The following PTPN2 variants were observed in gnomAD, a reference collection of about 807,000 sequenced individuals.
PTPN2 encodes the protein tyrosine-protein phosphatase non-receptor type 2.
A neutral mutation model predicts 57.3 loss-of-function variants in PTPN2; 19 were observed. That is an observed-to-expected ratio of 0.33 (90% CI 0.23 to 0.49). The LOEUF (loss-of-function observed/expected upper bound fraction) is 0.49. Ranked by LOEUF, PTPN2 falls within the 20% of genes least tolerant of loss-of-function variation. The pLI, the probability that PTPN2 is intolerant of heterozygous loss-of-function variation, is 0.99. For missense variants in PTPN2, 358 were observed against 501.1 expected, an observed-to-expected ratio of 0.71 and a Z score of 2.73; for synonymous variants, 153 against 164.9, an observed-to-expected ratio of 0.93 and a Z score of 0.55.
chr18:12,836,658 T>C (rs1265566474), intron 3 of PTPN2, 133 bp downstream of exon 3: 6 of 605,872 alleles, frequency 9.9e-6, no homozygotes, highest in Non-Finnish European at 1.4e-5. Flanking sequence ...CATAATTCAT[T>C]ACATCGTCAG....
At chr18:12,835,382 C>CTTTCTTTTTTTTTTTTT (rs2042821259) in intron 3 of PTPN2, among the ~76,000 whole-genome samples, 2 of 99,018 alleles carry the variant, frequency 2.0e-5, no homozygotes, top group African/African-American at 8.4e-5. Flanking sequence ...TCACATATGT[C>CTTTCTTTTTTTTTTTTT]TTTTTTTTTT....
chr18:12,792,792 C>T lies in PTPN2; in HGVS notation c.*1486G>A, dbSNP rs200280833. On this transcript the variant is annotated 3_prime_UTR_variant, in exon 9 of 9. Coordinates refer to ENST00000309660, the MANE Select transcript of PTPN2 (RefSeq NM_002828.4). ...TTTTAGTAGAGATGGTGTTTCACCA[C>T]GTTGGCCAGGCTGGTCTTGAACTCC... The T allele has an allele frequency of 1.2e-5, 6 of 487,132 alleles. No individual in the cohort carries two copies. The highest frequency in any genetic ancestry group is 1.5e-4 in the East Asian group (1 of 6,554). The allele number at this position is 487,132 out of a possible 1,614,324, so 30.2% of individuals were successfully genotyped here.
intron 1 of PTPN2, chr18:12,868,885 C>G (rs2044089026): frequency 6.6e-6 from 1 of 151,884 alleles, no homozygotes; most frequent in Non-Finnish European, 1.5e-5. Flanking sequence ...TGCGGTGGCT[C>G]ACGCCTGTAA....
downstream of PTPN2, among the ~76,000 whole-genome samples, chr18:12,788,439 T>TTTTTTC (rs1446211817): frequency 4.4e-4 from 63 of 142,900 alleles, no homozygotes; most frequent in African/African-American, 1.7e-3. Context: ...GGGCTTTTTT[T>TTTTTTC]TTTTTTTTTT....
At chr18:12,864,441 G>A (rs2043924250) in intron 1 of PTPN2, among the ~76,000 whole-genome samples, 1 of 151,674 alleles carries the variant, frequency 6.6e-6, no homozygotes. Flanking sequence ...CTGTTGCCAG[G>A]CTAGGGTGCA....
Position 12,793,343 on chromosome 18 carries a change from CAT to C in PTPN2, c.*933_*934del. The C allele has an allele frequency of 1.0e-6, 1 of 976,264 alleles. No individual in the cohort carries two copies. The highest frequency in any genetic ancestry group is 1.2e-6 in the Non-Finnish European group (1 of 821,118). The allele number at this position is 976,264 out of a possible 1,614,324, so 60.5% of individuals were successfully genotyped here. A position where few individuals can be genotyped will look rare whatever the true frequency, so the allele number is the denominator to read the frequency against. ...AGTCTAGTAAACTGAAATTATGAATCATAAAATGCTGCTTCTTACTTTTGCTT... is the reference window on the plus strand; with the variant it reads ...AGTCTAGTAAACTGAAATTATGAATCAAAATGCTGCTTCTTACTTTTGCTT... On this transcript the variant is annotated 3_prime_UTR_variant, in exon 9 of 9. Transcript: ENST00000309660.
At chr18:12,856,798 G>A (rs2043604544) in intron 2 of PTPN2, among the ~76,000 whole-genome samples, 1 of 152,046 alleles carries the variant, frequency 6.6e-6, no homozygotes, top group Non-Finnish European at 1.5e-5. Context: ...GGTGGCTCAT[G>A]ACTGTAATCC....
At chr18:12,802,743 A>G (rs763691173) in intron 7 of PTPN2, among the ~76,000 whole-genome samples, 3 of 152,214 alleles carry the variant, frequency 2.0e-5, no homozygotes, top group Non-Finnish European at 4.4e-5. Context: ...GTGCTGAAAG[A>G]TAACAACTAC....
intron 8 of PTPN2, chr18:12,801,727 C>A (rs1277969168): frequency 2.4e-6 from 1 of 411,660 alleles, no homozygotes; most frequent in Non-Finnish European, 4.5e-6. Context: ...ATCACCACAC[C>A]TGGCTAATTT....
intron 1 of PTPN2, among the ~76,000 whole-genome samples, chr18:12,872,003 G>C (rs528480472): frequency 6.6e-6 from 1 of 151,572 alleles, no homozygotes; most frequent in African/African-American, 2.4e-5. Context: ...AGCCGAGATC[G>C]TGCCGTAGCA....
chr18:12,882,284 G>A (rs957930458), intron 1 of PTPN2, among the ~76,000 whole-genome samples: 2 of 152,124 alleles, frequency 1.3e-5, no homozygotes, highest in Admixed American at 1.3e-4. Flanking sequence ...AATAATATGA[G>A]CATTGACCAA....
intron 1 of PTPN2, among the ~76,000 whole-genome samples, chr18:12,879,294 G>A (rs1007535635): frequency 4.6e-5 from 7 of 152,064 alleles, no homozygotes; most frequent in African/African-American, 1.7e-4. Context: ...ATGAGCCACC[G>A]CCTGGCCAGC....
At chr18:12,852,241 T>C (rs80055961) in intron 2 of PTPN2, among the ~76,000 whole-genome samples, 15,587 of 125,040 alleles carry the variant, frequency 0.12, 1,000 homozygotes, top group Non-Finnish European at 0.19. Context: ...GATTGTTTCA[T>C]GGCCAGTGAA....
At chr18:12,846,449 C>T (rs1268159113) in intron 2 of PTPN2, among the ~76,000 whole-genome samples, 2 of 152,120 alleles carry the variant, frequency 1.3e-5, no homozygotes, top group Non-Finnish European at 2.9e-5. Context: ...CACATTAATT[C>T]CTATTTTATT....
intron 1 of PTPN2, among the ~76,000 whole-genome samples, chr18:12,874,908 G>A (rs1315434449): frequency 6.6e-6 from 1 of 152,172 alleles, no homozygotes; most frequent in Non-Finnish European, 1.5e-5. Context: ...GATGGTTGCC[G>A]TGTCTGTGTG....
chr18:12,869,766 G>A lies in PTPN2; in HGVS notation c.70-10512C>T, dbSNP rs189341836. 9.7e-4 allele frequency among the ~76,000 whole-genome samples: 148 copies of A among 152,116 alleles called. 2 individuals carry two copies. Among genetic ancestry groups the A allele is most frequent in the African/African-American group, 3.4e-3 (140 of 41,506 alleles). On this transcript the variant is annotated intron_variant, in intron 1 of 8. Coordinates refer to ENST00000309660, the MANE Select transcript of PTPN2 (RefSeq NM_002828.4). ...AATTGATAATGAGTTTCTCCTTATG[G>A]GCTAACATACCTAAGTTTCTTTCTT...
intron 2 of PTPN2, chr18:12,840,961 T>C: frequency 2.1e-6 from 3 of 1,460,130 alleles, no homozygotes; most frequent in South Asian, 2.8e-5. Context: ...CTGCATTGAA[T>C]ACTTTCAGCA....
intron 3 of PTPN2, among the ~76,000 whole-genome samples, chr18:12,835,702 G>A (rs1016105368): frequency 2.0e-5 from 3 of 152,092 alleles, no homozygotes; most frequent in African/African-American, 7.2e-5. Flanking sequence ...ATGTCTGACT[G>A]TATTTCTCTA....
downstream of PTPN2, among the ~76,000 whole-genome samples, chr18:12,788,429 G>T (rs2040897825): frequency 2.9e-5 from 1 of 34,748 alleles, no homozygotes; most frequent in African/African-American, 1.7e-4. Flanking sequence ...AGGGGGATCA[G>T]GGCTTTTTTT....
Sources: allele counts gnomAD v4.1 joint callset (sites outside exome capture counted in the v4.1 genomes callset), GRCh38; gene constraint gnomAD v4.1.1; transcripts MANE v1.5; gene names NCBI Gene and HGNC (gene_info 2026-07-23, HGNC 2026-07-21).